HOOK3: variants seen among roughly 807,000 people sequenced by gnomAD.
HOOK3 encodes the protein hook microtubule tethering protein 3.
A neutral mutation model predicts 116.3 loss-of-function variants in HOOK3; 24 were observed. That is an observed-to-expected ratio of 0.21 (90% CI 0.15 to 0.29). The LOEUF is 0.29. Among genes scored for constraint, HOOK3 ranks in the 10% least tolerant of loss-of-function variants. HOOK3 has a pLI of 1.00. For synonymous variants in HOOK3, 275 were observed against 283.0 expected (o/e 0.97, Z 0.28); for missense variants, 632 against 830.2 (o/e 0.76, Z 2.93).
intron 1 of HOOK3, among the ~76,000 whole-genome samples, chr8:42,902,295 A>G (rs1735155537): frequency 6.7e-6 from 1 of 148,570 alleles, no homozygotes. Context: ...TTTTTAAGAC[A>G]GGGTCTCACT....
In HOOK3 at chr8:42,966,465, G is replaced by A. The variant is rs1352166243; in HGVS notation, c.780-8G>A. ...GTGCTTTCTTGGTCTATTTTATATC[G>A]GTTACAGACTAGAAGCAGCCAAAGA... On this transcript the variant is annotated splice_polypyrimidine_tract_variant and splice_region_variant and intron_variant, in intron 9 of 21. Coordinates refer to ENST00000307602, the MANE Select transcript of HOOK3 (RefSeq NM_032410.4). 1.9e-6 allele frequency: 3 copies of A among 1,613,528 alleles called. No individual in the cohort carries two copies. Among genetic ancestry groups the A allele is most frequent in the African/African-American group, 2.7e-5 (2 of 74,866 alleles).
At chr8:42,967,903 T>C in intron 10 of HOOK3, 110 bp from the exon 11 acceptor site, 1 of 655,762 alleles carries the variant, frequency 1.5e-6, no homozygotes, top group Non-Finnish European at 2.7e-6. Flanking sequence ...TGGAATCACT[T>C]TTGTCTTATT....
At chr8:42,968,878 C>T (rs568844860) in intron 11 of HOOK3, among the ~76,000 whole-genome samples, 4 of 152,274 alleles carry the variant, frequency 2.6e-5, no homozygotes, top group Non-Finnish European at 5.9e-5. Flanking sequence ...TCTCTCTATA[C>T]TTTTGCTACA....
At chr8:42,912,775 G>A (rs762145776) in intron 2 of HOOK3, among the ~76,000 whole-genome samples, 1 of 152,178 alleles carries the variant, frequency 6.6e-6, no homozygotes, top group Non-Finnish European at 1.5e-5. Context: ...CTCAAAGGCC[G>A]TCGTTAACGT....
At position 43,018,588 on chromosome 8, in the gene HOOK3, T is replaced by G. The variant is rs1361681199; in HGVS notation, c.*90T>G. 3.0e-6 allele frequency: 4 copies of G among 1,325,526 alleles called. No individual in the cohort carries two copies. In the African/African-American group the frequency reaches 5.9e-5, roughly 20 times the overall value. 82.1% of individuals were successfully genotyped at this position (1,325,526 alleles called of 1,614,324 possible). On this transcript the variant is annotated 3_prime_UTR_variant, in exon 22 of 22. Transcript: ENST00000307602. ...ATTTCAGGAAACTCAGCCAGCTTAT[T>G]TTTTGTTTCTCTTCTATGTCAATAC...
intron 1 of HOOK3, among the ~76,000 whole-genome samples, chr8:42,902,326 C>T: frequency 6.6e-6 from 1 of 151,372 alleles, no homozygotes; most frequent in Non-Finnish European, 1.5e-5. Flanking sequence ...GGCTGGAGTG[C>T]CGTGGAGCAG....
chr8:42,919,602 T>A (rs1318423038), intron 2 of HOOK3, among the ~76,000 whole-genome samples: 3 of 151,430 alleles, frequency 2.0e-5, no homozygotes, highest in Non-Finnish European at 4.4e-5. Flanking sequence ...GGCTGGGAGG[T>A]GGAGGTTGTA....
chr8:42,998,329 T>TA (rs1809319209), intron 16 of HOOK3, among the ~76,000 whole-genome samples: 1 of 152,238 alleles, frequency 6.6e-6, no homozygotes. Context: ...AGCTAAGACT[T>TA]AGAGTGTTCA....
chr8:42,936,826 A>G (rs1016150272), intron 4 of HOOK3, among the ~76,000 whole-genome samples: 1 of 152,192 alleles, frequency 6.6e-6, no homozygotes, highest in Non-Finnish European at 1.5e-5. Context: ...ATCGATGTTC[A>G]TCAGAGATAT....
At chr8:42,946,412 T>C (rs1009326787) in intron 5 of HOOK3, among the ~76,000 whole-genome samples, 1 of 152,070 alleles carries the variant, frequency 6.6e-6, no homozygotes, top group Non-Finnish European at 1.5e-5. Context: ...CACACTATAA[T>C]TGGAGTATAG....
chr8:43,018,047 G>A (rs78519831), intron 21 of HOOK3, among the ~76,000 whole-genome samples: 397 of 152,006 alleles, frequency 2.6e-3, no homozygotes, highest in Non-Finnish European at 4.2e-3. Context: ...CTTTTCCTTG[G>A]AAAAAAATCA....
intron 15 of HOOK3, among the ~76,000 whole-genome samples, chr8:42,991,044 G>T (rs2130458327): frequency 6.6e-6 from 1 of 152,302 alleles, no homozygotes; most frequent in East Asian, 1.9e-4. Flanking sequence ...TTATCAAAGA[G>T]ACTGCCCTTT....
intron 1 of HOOK3, among the ~76,000 whole-genome samples, chr8:42,903,338 C>CTTTTTTTTTTT (rs1164136399): frequency 2.3e-5 from 2 of 87,608 alleles, no homozygotes; most frequent in African/African-American, 9.5e-5. Context: ...TAATAGTTGT[C>CTTTTTTTTTTT]TTTTTTTTTT....
intron 4 of HOOK3, among the ~76,000 whole-genome samples, 171 bp downstream of exon 4, chr8:42,930,343 A>G (rs1276312865): frequency 2.0e-5 from 3 of 152,220 alleles, no homozygotes; most frequent in Non-Finnish European, 2.9e-5. Flanking sequence ...CAGTCAGTTA[A>G]TAGATGGATG....
intron 1 of HOOK3, among the ~76,000 whole-genome samples, chr8:42,903,375 C>G (rs971321303): frequency 8.0e-6 from 1 of 125,618 alleles, no homozygotes; most frequent in Non-Finnish European, 1.6e-5. Context: ...GACGGAGTCT[C>G]GCTCTGTGGC....
At chr8:42,941,589 A>T (rs1363628111) in intron 4 of HOOK3, among the ~76,000 whole-genome samples, 2 of 151,038 alleles carry the variant, frequency 1.3e-5, no homozygotes, top group Non-Finnish European at 2.9e-5. Context: ...ATGTCCTTCT[A>T]GGAATTGATT....
chr8:43,019,773 CT>C lies in HOOK3; in HGVS notation c.*1278del, dbSNP rs1468120768. The C allele has an allele frequency of 8.3e-5, 17 of 205,126 alleles. No individual in the cohort carries two copies. Among genetic ancestry groups the C allele is most frequent in the African/African-American group, 3.9e-4 (17 of 43,776 alleles). The allele number at this position is 205,126 out of a possible 1,614,324, so 12.7% of individuals were successfully genotyped here. On this transcript the variant is annotated 3_prime_UTR_variant, in exon 22 of 22. Transcript: ENST00000307602. Reference sequence around the variant, plus strand: ...CATTTATAAATGAAATGCCTTCTAACTTTCCATATTGACTTATGTATTTGGT... The same window carrying C: ...CATTTATAAATGAAATGCCTTCTAACTTCCATATTGACTTATGTATTTGGT...
chr8:42,968,274 G>A, intron 11 of HOOK3, 60 bp downstream of exon 11: 1 of 1,185,592 alleles, frequency 8.4e-7, no homozygotes, highest in Non-Finnish European at 1.2e-6. Context: ...ATGACATGTA[G>A]CTTACCAAAA....
At position 42,973,839 on chromosome 8, in the gene HOOK3, A is replaced by T. The variant is rs187226852; in HGVS notation, c.1234-268A>T. ...TGTCTAGTGAAAAGAATGTTAAGAA[A>T]TTAGTTACTAATTGTTAAAGATGGA... is the stretch of plus-strand genomic sequence containing the variant. On this transcript the variant is annotated intron_variant, in intron 12 of 21. Transcript: ENST00000307602. Among the ~76,000 whole-genome samples the T allele has an allele frequency of 4.6e-3, 701 of 152,346 alleles. 2 individuals carry two copies. Among genetic ancestry groups the T allele is most frequent in the Non-Finnish European group, 7.5e-3 (508 of 68,034 alleles).
Sources: gnomAD v4.1 joint callset for allele counts (sites outside exome capture counted in the v4.1 genomes callset) on GRCh38, gnomAD v4.1.1 for gene constraint, MANE v1.5 for transcripts, NCBI Gene and HGNC (gene_info 2026-07-23, HGNC 2026-07-21) for gene names.